Variants in ZNF341 observed in about 807,000 individuals in gnomAD.
ZNF341 encodes the protein zinc finger protein 341.
A neutral mutation model predicts 87.7 loss-of-function variants in ZNF341; 52 were observed. The ratio of observed to expected loss-of-function variants is 0.59; its 90% CI spans 0.47 to 0.75. The LOEUF (loss-of-function observed/expected upper bound fraction) is 0.75. ZNF341 is among the 30% of genes least tolerant of loss of function. ZNF341 has a pLI of 0.00. For missense variants in ZNF341, 977 were observed against 1,145.9 expected, an observed-to-expected ratio of 0.85 and a Z score of 2.13; for synonymous variants, 459 against 472.7, an observed-to-expected ratio of 0.97 and a Z score of 0.38.
At chr20:33,763,542 A>G (rs1601260766) in intron 8 of ZNF341, among the ~76,000 whole-genome samples, 1 of 151,970 alleles carries the variant, frequency 6.6e-6, no homozygotes, top group African/African-American at 2.4e-5. Context: ...CAAGTAATCC[A>G]CCCACCTTGG....
chr20:33,742,601 C>G (rs6059444), intron 2 of ZNF341, among the ~76,000 whole-genome samples: 1,801 of 151,912 alleles, frequency 0.012, 46 homozygotes, highest in African/African-American at 0.041. Context: ...CAGGCGTGAA[C>G]CACCATGCCT....
At chr20:33,751,711 A>T (rs1485724903) in intron 4 of ZNF341, among the ~76,000 whole-genome samples, 2 of 152,036 alleles carry the variant, frequency 1.3e-5, no homozygotes, top group African/African-American at 4.8e-5. Flanking sequence ...AGTAGCTGGG[A>T]CTACAGGTGT....
intron 8 of ZNF341, among the ~76,000 whole-genome samples, 196 bp from the exon 9 acceptor site, chr20:33,766,655 A>G (rs2019412376): frequency 1.3e-5 from 2 of 152,116 alleles, no homozygotes; most frequent in Non-Finnish European, 2.9e-5. Flanking sequence ...GAAAGGAAGC[A>G]TTTCTGTATT....
chr20:33,790,812 C>T (rs2019995066), intron 14 of ZNF341, among the ~76,000 whole-genome samples, 176 bp from the exon 15 acceptor site: 1 of 152,114 alleles, frequency 6.6e-6, no homozygotes, highest in Admixed American at 6.5e-5. Flanking sequence ...CTGAGGAGAG[C>T]GAGTGTGGCT....
At chr20:33,760,707 C>A (rs2019273156) in intron 7 of ZNF341, among the ~76,000 whole-genome samples, 1 of 151,788 alleles carries the variant, frequency 6.6e-6, no homozygotes, top group Admixed American at 6.6e-5. Context: ...CCACACCTAC[C>A]TAATTTTTGT....
intron 10 of ZNF341, among the ~76,000 whole-genome samples, chr20:33,771,582 A>G (rs1199383899): frequency 6.6e-6 from 1 of 152,100 alleles, no homozygotes; most frequent in African/African-American, 2.4e-5. Flanking sequence ...GGGATGGATC[A>G]GGTATGGATT....
chr20:33,738,006 G>T (rs139160488), intron 1 of ZNF341, among the ~76,000 whole-genome samples: 3,132 of 151,892 alleles, frequency 0.021, 106 homozygotes, highest in African/African-American at 0.071. Context: ...GCATGGGGGC[G>T]TGTGCCTATA....
At chr20:33,770,438 GC>G in intron 10 of ZNF341, 146 bp downstream of exon 10, 2 of 757,254 alleles carry the variant, frequency 2.6e-6, no homozygotes, top group Non-Finnish European at 4.2e-6. Context: ...GTCCAGCCTG[GC>G]AGAGTGGGTT....
chr20:33,758,608 T>A, intron 6 of ZNF341, 108 bp from the exon 7 acceptor site: 1 of 836,590 alleles, frequency 1.2e-6, no homozygotes, highest in Admixed American at 2.1e-5. Context: ...GGCATAGACT[T>A]CCCTGGGGTA....
At position 33,747,868 on chromosome 20, in the gene ZNF341, G is replaced by A. The variant is rs1388493919; in HGVS notation, c.340-1055G>A. 3.3e-5 allele frequency among the ~76,000 whole-genome samples: 5 copies of A among 150,964 alleles called. No homozygotes were observed. The East Asian group carries it at 8.0e-4, about 24-fold the overall frequency. ...CCGCCACCATGCCCAGCTAATTTTTGTATTTTTATTGGAGATGGGGTTTCA... is the reference window on the plus strand; with the variant it reads ...CCGCCACCATGCCCAGCTAATTTTTATATTTTTATTGGAGATGGGGTTTCA... On this transcript the variant is annotated intron_variant, in intron 3 of 14. Transcript: ENST00000375200.
chr20:33,765,942 G>A (rs1297201303), intron 8 of ZNF341, among the ~76,000 whole-genome samples: 1 of 152,184 alleles, frequency 6.6e-6, no homozygotes, highest in Non-Finnish European at 1.5e-5. Flanking sequence ...GAGTGCAATG[G>A]CGCAATATTG....
intron 11 of ZNF341, 124 bp from the exon 12 acceptor site, chr20:33,783,608 C>T (rs1056049203): frequency 3.7e-6 from 5 of 1,363,002 alleles, no homozygotes; most frequent in East Asian, 2.3e-5. Context: ...TGGGTCCTGG[C>T]CCCTGATAGC....
At chr20:33,775,212 GTT>G (rs761179803) in intron 10 of ZNF341, among the ~76,000 whole-genome samples, 9 of 137,764 alleles carry the variant, frequency 6.5e-5, no homozygotes, top group Admixed American at 2.2e-4. Flanking sequence ...AAAGGGTTTT[GTT>G]TTTTTTTTTT....
rs751428049 is a variant in ZNF341, at chr20:33,791,212, C to T, written c.2260C>T (p.Arg754Cys). 36 of 1,612,286 alleles carry T rather than the reference C, an allele frequency of 2.2e-5. No homozygotes were observed. The highest frequency in any genetic ancestry group is 2.5e-5 in the Non-Finnish European group (30 of 1,179,604). The change falls in exon 15 of 15, where the codon CGC (arginine) becomes TGC (cysteine). Residue 754 changes from arginine to cysteine, a missense_variant. Around this residue, in one of 3 missense-constraint regions of ZNF341, gnomAD observed 221 missense variants for 212.7 expected, o/e 1.04. Coordinates refer to ENST00000375200, the MANE Select transcript of ZNF341 (RefSeq NM_001282933.2). ...GCCCCCCCAGAGGAGGGCAGCCCCC[C>T]GCAGTTGCGGCAGTGGTGGGCGCAA... is the stretch of plus-strand genomic sequence containing the variant. ...RRPPQRRAAP[R>C]SCGSGGRKVL... is the part of the protein sequence containing the mutation.
chr20:33,762,567 T>A (rs147771511), intron 8 of ZNF341, among the ~76,000 whole-genome samples: 3,661 of 151,916 alleles, frequency 0.024, 130 homozygotes, highest in African/African-American at 0.083. Context: ...GTGCAGAACG[T>A]GCAGGTTTGT....
intron 7 of ZNF341, among the ~76,000 whole-genome samples, chr20:33,759,642 T>G (rs575271070): frequency 1.3e-5 from 2 of 152,332 alleles, no homozygotes; most frequent in African/African-American, 4.8e-5. Context: ...AAAAATGTAG[T>G]GGGAAAATTA....
At chr20:33,781,725 G>A (rs570100038) in intron 11 of ZNF341, among the ~76,000 whole-genome samples, 91 of 151,214 alleles carry the variant, frequency 6.0e-4, no homozygotes, top group Non-Finnish European at 1.1e-3. Flanking sequence ...TTGAGACAGG[G>A]TCTTACTCTG....
chr20:33,781,555 C>T (rs1350777472), intron 11 of ZNF341, among the ~76,000 whole-genome samples, 168 bp downstream of exon 11: 3 of 152,186 alleles, frequency 2.0e-5, no homozygotes, highest in Non-Finnish European at 4.4e-5. Flanking sequence ...GCCATCTCAT[C>T]CATCACATTC....
Position 33,766,973 on chromosome 20 carries a change from T to C in ZNF341, c.1345T>C (p.Phe449Leu). 6.2e-7 allele frequency: 1 copy of C among 1,614,182 alleles called. No individual in the cohort carries two copies. The highest frequency in any genetic ancestry group is 8.5e-7 in the Non-Finnish European group (1 of 1,180,020). The stretch of plus-strand genomic sequence containing the variant: ...CATCGACAGCTCCTACCTGTGCCAA[T>C]TCTGCCCCAGCAAATTCAGCACCTA... The part of the protein sequence containing the change: ...VLIDSSYLCQ[F>L]CPSKFSTYFQ... Residue 449 changes from phenylalanine to leucine, a missense_variant, in exon 9 of 15, where the codon TTC becomes CTC. Physicochemically the swap from Phe to Leu is conservative, Grantham distance 22. This residue lies in a region of ZNF341 where 515 missense variants were observed against 598.2 expected (regional missense o/e 0.86). Transcript: ENST00000375200.
Sources: allele counts gnomAD v4.1 joint callset (sites outside exome capture counted in the v4.1 genomes callset), GRCh38; gene constraint gnomAD v4.1.1; regional missense constraint gnomAD v4.1.1; transcripts MANE v1.5; gene names NCBI Gene and HGNC (gene_info 2026-07-23, HGNC 2026-07-21).